Variants in FCGRT observed in about 807,000 individuals in gnomAD.
FCGRT encodes the protein IgG receptor FcRn large subunit p51.
Under a neutral mutation model 35.7 loss-of-function variants are expected in FCGRT, and 13 were observed. That is an observed-to-expected ratio of 0.36 (90% CI 0.24 to 0.58). The LOEUF (loss-of-function observed/expected upper bound fraction) is 0.58. Among genes scored for constraint, FCGRT ranks in the 20% least tolerant of loss-of-function variants. FCGRT has a pLI of 0.77. For missense variants in FCGRT, 455 were observed against 474.9 expected, an observed-to-expected ratio of 0.96 and a Z score of 0.39; for synonymous variants, 233 against 216.5, an observed-to-expected ratio of 1.08 and a Z score of -0.67.
At chr19:49,518,176 T>C (rs2080019735) in intron 4 of FCGRT, among the ~76,000 whole-genome samples, 1 of 152,102 alleles carries the variant, frequency 6.6e-6, no homozygotes, top group Non-Finnish European at 1.5e-5. Context: ...TTAAAAAAAA[T>C]TAATACCAAA....
intron 6 of FCGRT, 120 bp downstream of exon 6, chr19:49,525,693 A>G (rs1388325276): frequency 2.7e-6 from 2 of 727,358 alleles, no homozygotes; most frequent in African/African-American, 3.5e-5. Context: ...AGAGGTGGAG[A>G]CAGAAACCCA....
At chr19:49,515,694 T>C (rs749426749) in intron 4 of FCGRT, among the ~76,000 whole-genome samples, 8 of 152,316 alleles carry the variant, frequency 5.3e-5, no homozygotes, top group Admixed American at 3.9e-4. Flanking sequence ...CCCAGGGTGC[T>C]GGGATGACAG....
rs541651057 is a variant in FCGRT at position 49,522,020 on chromosome 19, C to T, written c.602-2487C>T. ...TTGGATGAACAAAAATTCTTAATTT[C>T]AGTGAAGTTCAGTTTATCGACTTCA... is the stretch of plus-strand genomic sequence containing the variant. On this transcript the variant is annotated intron_variant, in intron 4 of 6. Coordinates refer to ENST00000221466, the MANE Select transcript of FCGRT (RefSeq NM_001136019.3). Among the ~76,000 whole-genome samples, 38 of 151,822 alleles carry T rather than the reference C, an allele frequency of 2.5e-4. No homozygotes were observed. In the East Asian group the frequency reaches 6.4e-3, roughly 26 times the overall value.
rs373482955 is a variant in FCGRT, at chr19:49,514,432, C to G, written c.547C>G (p.Pro183Ala). 5 of 1,587,420 alleles carry G rather than the reference C, an allele frequency of 3.1e-6. No homozygotes were observed. Among genetic ancestry groups the G allele is most frequent in the Non-Finnish European group, 4.3e-6 (5 of 1,163,268 alleles). ...KELTFLLFSCPHRLREHLERG... is the reference protein window; with the variant it reads ...KELTFLLFSCAHRLREHLERG... ...GCTCACCTTCCTGCTATTCTCCTGCCCGCACCGCCTGCGGGAGCACCTGGA... is the reference window on the plus strand; with the variant it reads ...GCTCACCTTCCTGCTATTCTCCTGCGCGCACCGCCTGCGGGAGCACCTGGA... Residue 183 changes from proline to alanine, a missense_variant, in exon 4 of 7, where the codon CCG becomes GCG. Physicochemically the swap from Pro to Ala is conservative, Grantham distance 27. Coordinates refer to ENST00000221466, the MANE Select transcript of FCGRT (RefSeq NM_001136019.3).
intron 4 of FCGRT, among the ~76,000 whole-genome samples, chr19:49,518,947 A>C (rs377357872): frequency 4.4e-4 from 66 of 151,402 alleles, no homozygotes; most frequent in African/African-American, 1.5e-3. Context: ...AGTTGCACCA[A>C]TTCTCCTGCC....
chr19:49,524,356 C>A, intron 4 of FCGRT, 151 bp from the exon 5 acceptor site: 1 of 859,876 alleles, frequency 1.2e-6, no homozygotes, highest in Non-Finnish European at 1.8e-6. Flanking sequence ...CAGGTTGAGT[C>A]TCTGTCACCT....
intron 4 of FCGRT, among the ~76,000 whole-genome samples, chr19:49,517,959 G>A (rs1326187861): frequency 6.6e-6 from 1 of 152,068 alleles, no homozygotes; most frequent in Non-Finnish European, 1.5e-5. Flanking sequence ...CCAAAGTGCT[G>A]GGATTACAGG....
intron 4 of FCGRT, among the ~76,000 whole-genome samples, chr19:49,519,826 C>CTT (rs57437959): frequency 2.9e-3 from 336 of 116,730 alleles, no homozygotes; most frequent in Middle Eastern, 4.8e-3. Context: ...TTGCCTTAAT[C>CTT]TTTTTTTTTT....
chr19:49,516,590 A>T (rs1385160733), intron 4 of FCGRT, among the ~76,000 whole-genome samples: 2 of 134,722 alleles, frequency 1.5e-5, no homozygotes, highest in Admixed American at 7.7e-5. Context: ...AGACTCTTGC[A>T]CTGTCGCCCA....
intron 1 of FCGRT, chr19:49,513,156 C>T (rs1005057136): frequency 3.0e-6 from 1 of 329,066 alleles, no homozygotes; most frequent in East Asian, 4.6e-5. Context: ...AGGGGCGTGG[C>T]GGAGCTCGGG....
intron 4 of FCGRT, among the ~76,000 whole-genome samples, chr19:49,517,200 A>G (rs1042902472): frequency 1.3e-5 from 2 of 150,986 alleles, no homozygotes; most frequent in East Asian, 3.9e-4. Context: ...AAAAGAAAAA[A>G]AATATGGTGG....
At position 49,524,041 on chromosome 19, in the gene FCGRT, C is replaced by T. The variant is rs188279046; in HGVS notation, c.602-466C>T. Among the ~76,000 whole-genome samples, 593 of 146,286 alleles carry T rather than the reference C, an allele frequency of 4.1e-3. 3 individuals are homozygous for T. Among genetic ancestry groups the T allele is most frequent in the African/African-American group, 0.014 (566 of 39,728 alleles). On this transcript the variant is annotated intron_variant, in intron 4 of 6. Coordinates refer to ENST00000221466, the MANE Select transcript of FCGRT (RefSeq NM_001136019.3). ...TTTTTTTTTTTCTTTTTTTCTGAGACGGGGTCTCACTCTGTCGCCCAGGCT... is the reference window on the plus strand; with the variant it reads ...TTTTTTTTTTTCTTTTTTTCTGAGATGGGGTCTCACTCTGTCGCCCAGGCT...
At position 49,526,397 on chromosome 19, in the gene FCGRT, C is replaced by A; in HGVS notation, c.*278C>A. ...GGGAATAAGTCGGGGGACTGAATGGCGGCTGGGCCTCGGATCTCTCCTACA... is the reference window on the plus strand; with the variant it reads ...GGGAATAAGTCGGGGGACTGAATGGAGGCTGGGCCTCGGATCTCTCCTACA... On this transcript the variant is annotated 3_prime_UTR_variant, in exon 7 of 7. Transcript: ENST00000221466. The A allele has an allele frequency of 2.2e-6, 1 of 462,776 alleles. No individual in the cohort carries two copies. Among genetic ancestry groups the A allele is most frequent in the East Asian group, 4.3e-5 (1 of 23,522 alleles). The allele number at this position is 462,776 out of a possible 1,614,324, so 28.7% of individuals were successfully genotyped here.
chr19:49,515,375 G>C (rs1311452382), intron 4 of FCGRT: 1 of 151,910 alleles, frequency 6.6e-6, no homozygotes, highest in African/African-American at 2.4e-5. Context: ...TCCGCCTCCT[G>C]GGTTTAAGGG....
chr19:49,524,635 A>C lies in FCGRT; in HGVS notation c.730A>C (p.Thr244Pro), dbSNP rs543194840. The change falls in exon 5 of 7, where the codon ACC (threonine) becomes CCC (proline). Residue 244 changes from threonine to proline, a missense_variant. Coordinates refer to ENST00000221466, the MANE Select transcript of FCGRT (RefSeq NM_001136019.3). ...CCTGCGGAATGGGCTGGCCGCTGGCACCGGCCAGGGTGACTTCGGCCCCAA... is the reference window on the plus strand; with the variant it reads ...CCTGCGGAATGGGCTGGCCGCTGGCCCCGGCCAGGGTGACTTCGGCCCCAA... ...RFLRNGLAAG[T>P]GQGDFGPNSD... 10 of 1,609,216 alleles carry C rather than the reference A, an allele frequency of 6.2e-6. No individual in the cohort carries two copies. In the African/African-American group the frequency reaches 9.3e-5, roughly 15 times the overall value.
chr19:49,514,996 C>G (rs1421638866), intron 4 of FCGRT, among the ~76,000 whole-genome samples: 2 of 145,424 alleles, frequency 1.4e-5, no homozygotes, highest in East Asian at 3.9e-4. Flanking sequence ...CTGGCTCCCC[C>G]CTTTTTTTTT....
intron 5 of FCGRT, 46 bp downstream of exon 5, chr19:49,524,822 G>T: frequency 1.3e-6 from 2 of 1,562,074 alleles, no homozygotes; most frequent in East Asian, 2.3e-5. Flanking sequence ...CCGTTGCCTT[G>T]TCTCACTGCT....
At chr19:49,520,684 A>G (rs1289417440) in intron 4 of FCGRT, 1 of 152,258 alleles carries the variant, frequency 6.6e-6, no homozygotes, top group Non-Finnish European at 1.5e-5. Flanking sequence ...AAGGCCAGAC[A>G]GATTTTCTGT....
chr19:49,520,007 T>A (rs1044592379), intron 4 of FCGRT, among the ~76,000 whole-genome samples: 1 of 150,708 alleles, frequency 6.6e-6, no homozygotes, highest in African/African-American at 2.4e-5. Flanking sequence ...ATTTTTGTAT[T>A]TTTTTTGGAG....
Sources: allele counts gnomAD v4.1 joint callset (sites outside exome capture counted in the v4.1 genomes callset), GRCh38; gene constraint gnomAD v4.1.1; transcripts MANE v1.5; gene names NCBI Gene and HGNC (gene_info 2026-07-23, HGNC 2026-07-21).